ZNF280C: variants seen among roughly 807,000 people sequenced by gnomAD.
ZNF280C encodes zinc finger protein 280C, also known as suppressor of hairy wing homolog 3.
Under a neutral mutation model 53.6 loss-of-function variants are expected in ZNF280C, and 14 were observed. The ratio of observed to expected loss-of-function variants is 0.26; its 90% CI spans 0.17 to 0.41. The LOEUF (loss-of-function observed/expected upper bound fraction) is 0.41, where lower values mean the gene tolerates loss of function less well. Ranked by LOEUF, ZNF280C falls within the 10% of genes least tolerant of loss-of-function variation. The probability of loss-of-function intolerance (pLI) is 1.00; values close to 1 mark genes in which losing one functional copy is unlikely to be tolerated. For missense variants in ZNF280C, 416 were observed against 547.1 expected (o/e 0.76, Z 2.39); for synonymous variants, 203 against 181.1 (o/e 1.12, Z -0.97).
intron 5 of ZNF280C, among the ~76,000 whole-genome samples, chrX:130,242,109 G>A (rs916685826): frequency 1.8e-5 from 2 of 109,590 alleles, no homozygotes; most frequent in East Asian, 5.7e-4. Flanking sequence ...TGGGTGTGGT[G>A]GTGCGTGCCT....
chrX:130,242,124 T>C (rs1193231199), intron 5 of ZNF280C, among the ~76,000 whole-genome samples: 1 of 109,549 alleles, frequency 9.1e-6, no homozygotes, highest in African/African-American at 3.3e-5. Flanking sequence ...GTGCCTGTAA[T>C]ACCAGCTACT....
At chrX:130,222,065 GCCTA>G (rs2032170218) in intron 12 of ZNF280C, among the ~76,000 whole-genome samples, 1 of 110,386 alleles carries the variant, frequency 9.1e-6, no homozygotes, top group South Asian at 3.9e-4. Context: ...TCACTTCACT[GCCTA>G]CCTATTGTTC....
chrX:130,250,398 T>C (rs994597677), intron 2 of ZNF280C, among the ~76,000 whole-genome samples: 4 of 111,321 alleles, frequency 3.6e-5, no homozygotes, highest in African/African-American at 1.3e-4. Context: ...GCTAGACTAA[T>C]ACAGAAGAGA....
rs1223102365 is a variant in ZNF280C, at chrX:130,205,406, A to G, written c.2052T>C (p.Thr684=). Residue 684 remains threonine, a synonymous_variant, in exon 17 of 19, where the codon ACT becomes ACC. Coordinates refer to ENST00000370978, the MANE Select transcript of ZNF280C (RefSeq NM_017666.5). ...GGAAATCACATTTAAGGCACACTAG[A>G]GTAATGCCCCTATGAAAAAAAAGAA... ...KKHSGTLRGI[T]LVCLKCDFLA... The G allele has an allele frequency of 8.6e-7, 1 of 1,167,847 alleles. No individual in the cohort carries two copies. Among genetic ancestry groups the G allele is most frequent in the South Asian group, 1.9e-5 (1 of 52,631 alleles).
At chrX:130,246,671 C>T (rs2032453746) in intron 3 of ZNF280C, among the ~76,000 whole-genome samples, 188 bp downstream of exon 3, 2 of 111,998 alleles carry the variant, frequency 1.8e-5, no homozygotes, top group Admixed American at 9.5e-5. Flanking sequence ...TTTAACCTTT[C>T]ACCTCCTTAC....
At chrX:130,209,524 C>G in intron 16 of ZNF280C, 129 bp downstream of exon 16, 1 of 547,083 alleles carries the variant, frequency 1.8e-6, no homozygotes, top group Non-Finnish European at 3.1e-6. Context: ...GATAGGCTAT[C>G]CCTCCAACTT....
rs1210654718 is a variant in ZNF280C, at chrX:130,239,614, G to A, written c.461C>T (p.Pro154Leu). 1.7e-5 allele frequency: 20 copies of A among 1,197,805 alleles called. No individual in the cohort carries two copies. The highest frequency in any genetic ancestry group is 2.3e-5 in the Non-Finnish European group (20 of 885,571). The change falls in exon 6 of 19, where the codon CCA (proline) becomes CTA (leucine). Residue 154 changes from proline (P) to leucine (L), a missense_variant. Around this residue, in one of 3 missense-constraint regions of ZNF280C, gnomAD observed 193 missense variants for 201.4 expected, o/e 0.96. Transcript: ENST00000370978. ...LFDSTQESLPPSQDIPAIFRE... is the reference protein window; with the variant it reads ...LFDSTQESLPLSQDIPAIFRE... The stretch of plus-strand genomic sequence containing the variant: ...AAAAATTGCTGGTATGTCTTGGGAT[G>A]GTGGTAGTGATTCCTGGGTCGAGTC...
At chrX:130,250,629 C>G (rs2032497026) in intron 2 of ZNF280C, among the ~76,000 whole-genome samples, 2 of 111,445 alleles carry the variant, frequency 1.8e-5, no homozygotes. Context: ...TGAAATTGAA[C>G]CAGTAAAAAG....
intron 12 of ZNF280C, among the ~76,000 whole-genome samples, chrX:130,223,732 G>C (rs766195540): frequency 9.8e-5 from 11 of 111,772 alleles, no homozygotes; most frequent in Non-Finnish European, 1.7e-4. Context: ...TGTATAAACT[G>C]CATTGCTAAC....
At chrX:130,247,327 C>T (rs1274995958) in intron 2 of ZNF280C, among the ~76,000 whole-genome samples, 12 of 110,907 alleles carry the variant, frequency 1.1e-4, no homozygotes, top group Non-Finnish European at 2.3e-4. Context: ...AGGCTGGTCT[C>T]GAACTCCTGA....
At chrX:130,253,278 A>G (rs2032533675) in intron 2 of ZNF280C, among the ~76,000 whole-genome samples, 1 of 112,720 alleles carries the variant, frequency 8.9e-6, no homozygotes, top group Admixed American at 9.4e-5. Flanking sequence ...ACACAAACAC[A>G]TGGAAAAACA....
At chrX:130,255,868 T>A (rs2032565480) in intron 2 of ZNF280C, among the ~76,000 whole-genome samples, 1 of 111,889 alleles carries the variant, frequency 8.9e-6, no homozygotes, top group Non-Finnish European at 1.9e-5. Context: ...GGCACAAGAA[T>A]CGCCTCAACC....
At chrX:130,215,019 T>C (rs1318153073) in intron 15 of ZNF280C, among the ~76,000 whole-genome samples, 174 bp downstream of exon 15, 1 of 112,229 alleles carries the variant, frequency 8.9e-6, no homozygotes, top group East Asian at 2.8e-4. Context: ...GTCCCAGTAA[T>C]TTTATGAGTT....
intron 3 of ZNF280C, among the ~76,000 whole-genome samples, chrX:130,244,340 C>T (rs1231751816): frequency 1.8e-5 from 2 of 111,816 alleles, no homozygotes; most frequent in South Asian, 3.7e-4. Context: ...ATATGAACTC[C>T]GTAACTTCTA....
intron 1 of ZNF280C, among the ~76,000 whole-genome samples, chrX:130,262,027 T>C (rs773072165): frequency 9.0e-6 from 1 of 111,596 alleles, no homozygotes; most frequent in African/African-American, 3.3e-5. Context: ...GGCATAACCA[T>C]CCTAAAATGA....
At position 130,208,291 on chromosome X, in the gene ZNF280C, G is replaced by A. The variant is rs758928228; in HGVS notation, c.2042+1362C>T. On this transcript the variant is annotated intron_variant, in intron 16 of 18. Coordinates refer to ENST00000370978, the MANE Select transcript of ZNF280C (RefSeq NM_017666.5). Reference sequence around the variant, plus strand: ...ATGACAGGCATGCGCCACCACGCCCGGCGAATTTTTGTATTTTTAGTAGAG... The same window carrying A: ...ATGACAGGCATGCGCCACCACGCCCAGCGAATTTTTGTATTTTTAGTAGAG... Among the ~76,000 whole-genome samples, 127 of 111,015 alleles carry A rather than the reference G, an allele frequency of 1.1e-3. 1 individual carries two copies. The highest frequency in any genetic ancestry group is 4.1e-3 in the African/African-American group (125 of 30,517).
rs137870776 is a variant in ZNF280C, at chrX:130,207,452, C to T, written c.2043-2037G>A. Among the ~76,000 whole-genome samples the T allele has an allele frequency of 7.8e-3, 865 of 111,433 alleles. 8 individuals are homozygous for T. The highest frequency in any genetic ancestry group is 0.027 in the African/African-American group (838 of 30,676). On this transcript the variant is annotated intron_variant, in intron 16 of 18. Coordinates refer to ENST00000370978, the MANE Select transcript of ZNF280C (RefSeq NM_017666.5). Reference sequence around the variant, plus strand: ...TCGGCTCACTGTAACCTCCACCTCCCGGGTTCAAGTGATTCTCTTGCCTCA... The same window carrying T: ...TCGGCTCACTGTAACCTCCACCTCCTGGGTTCAAGTGATTCTCTTGCCTCA...
chrX:130,227,544 A>G, intron 11 of ZNF280C, 138 bp downstream of exon 11: 1 of 496,002 alleles, frequency 2.0e-6, no homozygotes, highest in Non-Finnish European at 3.5e-6. Context: ...GGGGGTTTCC[A>G]CTAATGAAGA....
At chrX:130,266,815 G>A (rs1047089678) in intron 1 of ZNF280C, among the ~76,000 whole-genome samples, 1 of 111,777 alleles carries the variant, frequency 8.9e-6, no homozygotes, top group Non-Finnish European at 1.9e-5. Flanking sequence ...TCAAATTACT[G>A]AGGAAGGCTG....
Sources: allele counts gnomAD v4.1 joint callset (sites outside exome capture counted in the v4.1 genomes callset), GRCh38; gene constraint gnomAD v4.1.1; regional missense constraint gnomAD v4.1.1; transcripts MANE v1.5; gene names NCBI Gene and HGNC (gene_info 2026-07-23, HGNC 2026-07-21).